TTLL5: variants seen among roughly 807,000 people sequenced by gnomAD.
The protein encoded by TTLL5 is tubulin polyglutamylase TTLL5.
A neutral mutation model predicts 168.4 loss-of-function variants in TTLL5; 132 were observed. The ratio of observed to expected loss-of-function variants is 0.78; its 90% CI spans 0.68 to 0.91. The LOEUF is 0.91. Among genes scored for constraint, TTLL5 ranks in the 40% least tolerant of loss-of-function variants. The probability of loss-of-function intolerance (pLI) is 0.00; values close to 1 mark genes in which losing one functional copy is unlikely to be tolerated. For synonymous variants in TTLL5, 546 were observed against 558.6 expected (o/e 0.98, Z 0.32); for missense variants, 1,545 against 1,581.5 (o/e 0.98, Z 0.39).
rs543419133 is a variant in TTLL5, at chr14:75,706,836, A to G, written c.586-182A>G. 3.4e-4 allele frequency among the ~76,000 whole-genome samples: 51 copies of G among 152,154 alleles called. 1 individual carries two copies. The highest frequency in any genetic ancestry group is 3.4e-3 in the Middle Eastern group (1 of 294). On this transcript the variant is annotated intron_variant, in intron 7 of 31. Transcript: ENST00000298832. ...TTTCCTGCATCGTAATTGGATGCCTATAGTGTTATAGAAGTGATATTATAT... is the reference window on the plus strand; with the variant it reads ...TTTCCTGCATCGTAATTGGATGCCTGTAGTGTTATAGAAGTGATATTATAT...
At position 75,737,068 on chromosome 14, in the gene TTLL5, A is replaced by G. The variant is rs1791773770; in HGVS notation, c.1281+1779A>G. Among the ~76,000 whole-genome samples, 5 of 152,242 alleles carry G rather than the reference A, an allele frequency of 3.3e-5. No homozygotes were observed. The South Asian group carries it at 1.0e-3, about 31-fold the overall frequency. On this transcript the variant is annotated intron_variant, in intron 15 of 31. Coordinates refer to ENST00000298832, the MANE Select transcript of TTLL5 (RefSeq NM_015072.5). ...ACAGTTTCTGCCAAGTTTCACTTCTAGAGGTAGCTGTATTGCCAGTCTTAA... is the reference window on the plus strand; with the variant it reads ...ACAGTTTCTGCCAAGTTTCACTTCTGGAGGTAGCTGTATTGCCAGTCTTAA...
At chr14:75,781,181 T>C (rs1158745285) in intron 24 of TTLL5, among the ~76,000 whole-genome samples, 4 of 152,166 alleles carry the variant, frequency 2.6e-5, no homozygotes, top group African/African-American at 9.7e-5. Context: ...CCTAACAGCA[T>C]GTGGTGGCGA....
intron 27 of TTLL5, 77 bp from the exon 28 acceptor site, chr14:75,819,930 G>T (rs1423770768): frequency 4.7e-6 from 7 of 1,483,470 alleles, no homozygotes; most frequent in Non-Finnish European, 6.3e-6. Flanking sequence ...GCCTTGACTT[G>T]ATTTTGCCTA....
At chr14:75,860,137 A>G (rs980909822) in intron 28 of TTLL5, among the ~76,000 whole-genome samples, 3 of 152,206 alleles carry the variant, frequency 2.0e-5, no homozygotes, top group Admixed American at 6.5e-5. Flanking sequence ...AGTCCGTTCA[A>G]TATGTGTGCA....
At chr14:75,790,753 C>A (rs1213014552) in intron 26 of TTLL5, among the ~76,000 whole-genome samples, 1 of 151,388 alleles carries the variant, frequency 6.6e-6, no homozygotes, top group Non-Finnish European at 1.5e-5. Flanking sequence ...GTGTGAGCCA[C>A]CATTCCCGGC....
intron 27 of TTLL5, among the ~76,000 whole-genome samples, chr14:75,812,384 T>A (rs1894099605): frequency 6.6e-6 from 1 of 152,196 alleles, no homozygotes; most frequent in South Asian, 2.1e-4. Flanking sequence ...CAGAGACATG[T>A]GGAACAAGTT....
chr14:75,926,615 C>T (rs1029688888), intron 31 of TTLL5, among the ~76,000 whole-genome samples: 1 of 152,082 alleles, frequency 6.6e-6, no homozygotes, highest in African/African-American at 2.4e-5. Context: ...ACAGTAAATG[C>T]CACATCACAC....
intron 31 of TTLL5, among the ~76,000 whole-genome samples, chr14:75,928,382 C>A (rs2140160963): frequency 2.0e-5 from 1 of 50,166 alleles, no homozygotes; most frequent in African/African-American, 7.4e-5. Context: ...TGTATTTCTG[C>A]TTTACTCTAT....
intron 6 of TTLL5, among the ~76,000 whole-genome samples, chr14:75,698,848 TA>T (rs2140154276): frequency 6.7e-6 from 1 of 149,312 alleles, no homozygotes; most frequent in East Asian, 2.0e-4. Context: ...GAGGGTGCAA[TA>T]AGCTATGGAA....
At chr14:75,672,094 C>T (rs1256598788) in intron 3 of TTLL5, among the ~76,000 whole-genome samples, 2 of 152,134 alleles carry the variant, frequency 1.3e-5, no homozygotes, top group African/African-American at 4.8e-5. Context: ...TAGTCAAATG[C>T]TTTTTCCACA....
intron 31 of TTLL5, among the ~76,000 whole-genome samples, chr14:75,913,031 CAATT>C (rs1054948137): frequency 2.6e-5 from 4 of 152,188 alleles, no homozygotes; most frequent in Admixed American, 6.5e-5. Context: ...TAACTTCTCT[CAATT>C]GATTGCTTGA....
chr14:75,710,254 CACA>C (rs1448601113), intron 9 of TTLL5: 1 of 152,112 alleles, frequency 6.6e-6, no homozygotes, highest in African/African-American at 2.4e-5. Context: ...TGGTTCAGAG[CACA>C]ACATGAGAAC....
chr14:75,806,245 G>T (rs953371578), intron 27 of TTLL5, among the ~76,000 whole-genome samples: 5 of 152,048 alleles, frequency 3.3e-5, no homozygotes, highest in African/African-American at 1.2e-4. Flanking sequence ...TGGCCAGAGT[G>T]GTTTCAAACT....
intron 31 of TTLL5, among the ~76,000 whole-genome samples, chr14:75,947,309 T>C (rs903922320): frequency 3.9e-5 from 6 of 152,168 alleles, no homozygotes; most frequent in African/African-American, 1.4e-4. Context: ...GAAAAAGATA[T>C]ATTGGGGAAA....
At chr14:75,751,794 T>C (rs999250430) in intron 17 of TTLL5, among the ~76,000 whole-genome samples, 2 of 152,126 alleles carry the variant, frequency 1.3e-5, no homozygotes, top group Non-Finnish European at 2.9e-5. Flanking sequence ...TTGGATCTTA[T>C]ACAAGAAAGA....
At chr14:75,953,576 A>G (rs1342418827) in intron 31 of TTLL5, among the ~76,000 whole-genome samples, 2 of 152,182 alleles carry the variant, frequency 1.3e-5, no homozygotes, top group African/African-American at 4.8e-5. Context: ...TGAGAATGGG[A>G]AAGAATTGGG....
chr14:75,887,090 T>C, intron 30 of TTLL5: 2 of 1,153,242 alleles, frequency 1.7e-6, no homozygotes, highest in Non-Finnish European at 2.1e-6. Context: ...TGGAAGTTGG[T>C]GGTAACGACT....
At chr14:75,690,351 C>T in intron 6 of TTLL5, 29 bp downstream of exon 6, 2 of 1,568,266 alleles carry the variant, frequency 1.3e-6, no homozygotes, top group Non-Finnish European at 1.7e-6. Context: ...ATGCCCCAGT[C>T]CCCAGCAACT....
chr14:75,936,460 C>T lies in TTLL5; in HGVS notation c.3824-17964C>T, dbSNP rs186937347. Among the ~76,000 whole-genome samples the T allele has an allele frequency of 2.8e-3, 426 of 152,282 alleles. 4 individuals carry two copies. Among genetic ancestry groups the T allele is most frequent in the African/African-American group, 9.8e-3 (407 of 41,554 alleles). On this transcript the variant is annotated intron_variant, in intron 31 of 31. Transcript: ENST00000298832. ...CGTCTTTCCATCCGTCTCTCTTCCTCGCTTTGTATTTCTCATCACAGCTTC... is the reference window on the plus strand; with the variant it reads ...CGTCTTTCCATCCGTCTCTCTTCCTTGCTTTGTATTTCTCATCACAGCTTC...
Sources: gnomAD v4.1 joint callset for allele counts (sites outside exome capture counted in the v4.1 genomes callset) on GRCh38, gnomAD v4.1.1 for gene constraint, MANE v1.5 for transcripts, NCBI Gene and HGNC (gene_info 2026-07-23, HGNC 2026-07-21) for gene names.